EYS: variants seen among roughly 807,000 people sequenced by gnomAD.
EYS encodes protein eyes shut homolog.
A neutral mutation model predicts 282.1 loss-of-function variants in EYS; 250 were observed. The observed-to-expected ratio is 0.89, with a 90% confidence interval of 0.80 to 0.98. The LOEUF is 0.98. EYS is among the 50% of genes least tolerant of loss of function. EYS has a pLI of 0.00. For missense variants in EYS, 4,016 were observed against 3,709.0 expected, an observed-to-expected ratio of 1.08 and a Z score of -2.15; for synonymous variants, 1,355 against 1,282.9, an observed-to-expected ratio of 1.06 and a Z score of -1.20.
intron 35 of EYS, among the ~76,000 whole-genome samples, chr6:63,919,312 C>CTTTTTT (rs562177760): frequency 1.1e-3 from 55 of 49,388 alleles, no homozygotes; most frequent in Admixed American, 1.9e-3. Flanking sequence ...AGGGAACAGA[C>CTTTTTT]TTTTTTTTTT....
chr6:65,284,651 T>A (rs1208859786), intron 12 of EYS, among the ~76,000 whole-genome samples: 1 of 151,980 alleles, frequency 6.6e-6, no homozygotes, highest in African/African-American at 2.4e-5. Context: ...ACCACATAGC[T>A]AAATGGTTTT....
intron 2 of EYS, among the ~76,000 whole-genome samples, chr6:65,540,438 T>C (rs888807131): frequency 7.2e-5 from 11 of 152,192 alleles, no homozygotes; most frequent in African/African-American, 2.7e-4. Context: ...AAAGCCAATT[T>C]GTGCCTCTAG....
chr6:65,516,637 A>G (rs1425382762), intron 2 of EYS, among the ~76,000 whole-genome samples: 1 of 152,132 alleles, frequency 6.6e-6, no homozygotes, highest in Admixed American at 6.6e-5. Flanking sequence ...ATCAGGCCCA[A>G]TGATAAGTGT....
intron 24 of EYS, 47 bp from the exon 25 acceptor site, chr6:64,593,356 T>C (rs1582932699): frequency 1.4e-6 from 2 of 1,437,572 alleles, no homozygotes; most frequent in Non-Finnish European, 9.4e-7. Context: ...GTTTCTTTGT[T>C]CCTAAGAGAA....
intron 1 of EYS, among the ~76,000 whole-genome samples, chr6:65,671,591 A>G (rs184103002): frequency 5.4e-4 from 82 of 152,110 alleles, no homozygotes; most frequent in African/African-American, 1.8e-3. Flanking sequence ...AGATGGTTGA[A>G]TAAGTACCAA....
intron 29 of EYS, among the ~76,000 whole-genome samples, chr6:64,367,626 T>C (rs1396363166): frequency 3.3e-5 from 5 of 151,064 alleles, no homozygotes; most frequent in Admixed American, 1.3e-4. Context: ...AAAAAAATTA[T>C]GGCTGTTATC....
At chr6:64,459,054 C>T (rs1775658365) in intron 26 of EYS, among the ~76,000 whole-genome samples, 1 of 152,176 alleles carries the variant, frequency 6.6e-6, no homozygotes, top group East Asian at 1.9e-4. Context: ...ATAAACACTG[C>T]TCCACTTACC....
intron 12 of EYS, among the ~76,000 whole-genome samples, chr6:65,155,354 C>T (rs1764707308): frequency 6.6e-6 from 1 of 151,404 alleles, no homozygotes; most frequent in Non-Finnish European, 1.5e-5. Context: ...AAGAGCTTTG[C>T]CACCCAACAT....
intron 28 of EYS, among the ~76,000 whole-genome samples, chr6:64,394,247 C>A (rs1338087465): frequency 1.3e-5 from 2 of 152,224 alleles, no homozygotes; most frequent in African/African-American, 4.8e-5. Flanking sequence ...CATCAAGCTA[C>A]CAATGCCTTT....
At chr6:65,446,275 A>T (rs780964025) in intron 5 of EYS, among the ~76,000 whole-genome samples, 2 of 151,764 alleles carry the variant, frequency 1.3e-5, no homozygotes, top group African/African-American at 4.8e-5. Flanking sequence ...GAAGCCATTA[A>T]TTTTTTTGGC....
chr6:65,106,725 G>A (rs1340716854), intron 12 of EYS, among the ~76,000 whole-genome samples: 1 of 151,942 alleles, frequency 6.6e-6, no homozygotes, highest in Non-Finnish European at 1.5e-5. Flanking sequence ...CGTTTTTAAG[G>A]TATATCTTTC....
At chr6:64,151,139 A>G (rs942732117) in intron 31 of EYS, among the ~76,000 whole-genome samples, 9 of 151,484 alleles carry the variant, frequency 5.9e-5, no homozygotes, top group Admixed American at 1.3e-4. Context: ...ACAAAGGTCT[A>G]TAAGTAGGAG....
chr6:64,586,312 G>T (rs1766231604), intron 26 of EYS, among the ~76,000 whole-genome samples: 1 of 152,028 alleles, frequency 6.6e-6, no homozygotes, highest in Admixed American at 6.6e-5. Context: ...CCAAAACTGA[G>T]AAATAAATAC....
At chr6:64,394,739 A>G (rs551619582) in intron 28 of EYS, among the ~76,000 whole-genome samples, 2 of 152,030 alleles carry the variant, frequency 1.3e-5, no homozygotes, top group Non-Finnish European at 2.9e-5. Context: ...TTCATGTCTA[A>G]AACACCAAAA....
At chr6:65,589,910 T>C (rs1312874476) in intron 2 of EYS, among the ~76,000 whole-genome samples, 2 of 151,966 alleles carry the variant, frequency 1.3e-5, no homozygotes, top group South Asian at 4.1e-4. Context: ...ATTATTTCTA[T>C]AATTGTTAAA....
intron 12 of EYS, among the ~76,000 whole-genome samples, chr6:65,129,390 A>C (rs377271199): frequency 6.6e-6 from 1 of 152,210 alleles, no homozygotes; most frequent in Non-Finnish European, 1.5e-5. Context: ...GACAACCTAC[A>C]GAATGGGGAA....
intron 37 of EYS, chr6:63,797,909 A>G (rs114861917): frequency 1.1e-4 from 17 of 152,362 alleles, no homozygotes; most frequent in African/African-American, 4.1e-4. Flanking sequence ...TTGGGGCTAC[A>G]TATGGCCCAC....
intron 40 of EYS, among the ~76,000 whole-genome samples, chr6:63,776,258 A>G (rs1024184151): frequency 2.0e-5 from 3 of 152,224 alleles, no homozygotes; most frequent in Non-Finnish European, 2.9e-5. Context: ...TTAAGATGAA[A>G]TGAACAGGTT....
Position 64,593,201 on chromosome 6 carries a change from G to T in EYS, c.3793C>A (p.Pro1265Thr). The T allele has an allele frequency of 1.3e-6, 2 of 1,549,978 alleles. No individual in the cohort carries two copies. The highest frequency in any genetic ancestry group is 2.0e-5 in the Admixed American group (1 of 50,774). The change falls in exon 25 of 43, where the codon CCT becomes ACT. Residue 1265 changes from proline (P) to threonine (T), a missense_variant. Transcript: ENST00000503581. The stretch of plus-strand genomic sequence containing the variant: ...AAGCTGCTGACCAAAGTCTCAGAAG[G>T]GGGAATTGTATATGTCTGTGTGGAA... ...PISTQTYTIP[P>T]SETLVSSFPS...
Sources: gnomAD v4.1 joint callset for allele counts (sites outside exome capture counted in the v4.1 genomes callset) on GRCh38, gnomAD v4.1.1 for gene constraint, MANE v1.5 for transcripts, NCBI Gene and HGNC (gene_info 2026-07-23, HGNC 2026-07-21) for gene names.